Variants in MED28 observed in about 807,000 individuals in gnomAD.
MED28 encodes mediator complex subunit 28.
MED28 carries 26 observed loss-of-function variants against 21.3 expected under a neutral mutation model. The observed-to-expected ratio is 1.22, with a 90% CI of 0.89 to 1.69. The LOEUF (loss-of-function observed/expected upper bound fraction) is 1.69. MED28 is among the 40% of genes most tolerant of loss of function. The probability of loss-of-function intolerance (pLI) is 0.00; values close to 1 mark genes in which losing one functional copy is unlikely to be tolerated. For synonymous variants in MED28, 110 were observed against 87.6 expected, an observed-to-expected ratio of 1.26 and a Z score of -1.43; for missense variants, 257 against 215.4, an observed-to-expected ratio of 1.19 and a Z score of -1.21.
In MED28 at chr4:17,633,849, C is replaced by T. The variant is rs569401398; in HGVS notation, c.*10051C>T. The T allele has an allele frequency of 4.1e-5, 63 of 1,551,194 alleles. No individual in the cohort carries two copies. The South Asian group carries it at 6.7e-4, about 16-fold the overall frequency. On this transcript the variant is annotated 3_prime_UTR_variant, in exon 4 of 4. Coordinates refer to ENST00000237380, the MANE Select transcript of MED28 (RefSeq NM_025205.5). ...TTTGCATAGGAGGCGAGGTTCGGCA[C>T]GCTGACCACGCGGCTGGGCACGTCC...
At chr4:17,615,828 TATAA>T (rs979419583) in intron 1 of MED28, among the ~76,000 whole-genome samples, 12 of 151,732 alleles carry the variant, frequency 7.9e-5, no homozygotes, top group South Asian at 2.1e-4. Context: ...TAAAATAAAA[TATAA>T]ATAAATAAAA....
intron 1 of MED28, among the ~76,000 whole-genome samples, chr4:17,615,123 G>A (rs1714411452): frequency 6.6e-6 from 1 of 152,172 alleles, no homozygotes; most frequent in Admixed American, 6.5e-5. Context: ...TTGCATCCCT[G>A]CATGTTTAGT....
At position 17,632,217 on chromosome 4, in the gene MED28, GGCACAC is replaced by G. The variant is rs1243070007; in HGVS notation, c.*8422_*8427del. The G allele has an allele frequency of 1.2e-5, 2 of 168,160 alleles. No individual in the cohort carries two copies. The highest frequency in any genetic ancestry group is 2.6e-5 in the Non-Finnish European group (2 of 77,752). The allele number at this position is 168,160 out of a possible 1,614,324, so 10.4% of individuals were successfully genotyped here. A position where few individuals can be genotyped will look rare whatever the true frequency, so the allele number is the denominator to read the frequency against. ...AGTCCCCCAAGTACCTGGGACCACA[GGCACAC>G]GCCACCATGCCTGGCTAATTTTTGT... On this transcript the variant is annotated 3_prime_UTR_variant, in exon 4 of 4. Transcript: ENST00000237380.
rs1457235717 is a variant in MED28, at chr4:17,629,778, T to G, written c.*5980T>G. ...AATCATTATGCAAACTAAAATAGAA[T>G]GTTTTATCTATCAAATTGTATTTCT... is the stretch of plus-strand genomic sequence containing the variant. On this transcript the variant is annotated 3_prime_UTR_variant, in exon 4 of 4. Transcript: ENST00000237380. The G allele has an allele frequency of 1.3e-5, 2 of 152,220 alleles. No individual in the cohort carries two copies. Among genetic ancestry groups the G allele is most frequent in the Admixed American group, 6.5e-5 (1 of 15,284 alleles). The allele number at this position is 152,220 out of a possible 1,614,324, so 9.4% of individuals were successfully genotyped here.
At position 17,623,653 on chromosome 4, in the gene MED28, A is replaced by G; in HGVS notation, c.392A>G (p.Lys131Arg). The change falls in exon 4 of 4, where the codon AAG becomes AGG. Residue 131 changes from lysine to arginine, a missense_variant. Physicochemically the swap from Lys to Arg is conservative, Grantham distance 26. Coordinates refer to ENST00000237380, the MANE Select transcript of MED28 (RefSeq NM_025205.5). Reference protein sequence around the residue: ...ELQRKDALVQKHLTKLRHWQQ... With the variant: ...ELQRKDALVQRHLTKLRHWQQ... ...CAGCGGAAAGATGCACTAGTCCAGAAGCACTTGACAAAGCTGAGGCATTGG... is the reference window on the plus strand; with the variant it reads ...CAGCGGAAAGATGCACTAGTCCAGAGGCACTTGACAAAGCTGAGGCATTGG... 1 of 1,614,228 alleles carries G rather than the reference A, an allele frequency of 6.2e-7. No individual in the cohort carries two copies. Among genetic ancestry groups the G allele is most frequent in the Non-Finnish European group, 8.5e-7 (1 of 1,180,042 alleles).
intron 1 of MED28, among the ~76,000 whole-genome samples, chr4:17,616,855 A>G (rs1714467970): frequency 6.6e-6 from 1 of 152,200 alleles, no homozygotes; most frequent in Admixed American, 6.5e-5. Flanking sequence ...CCTGTAGTGT[A>G]GTTGGCTTGT....
At position 17,621,649 on chromosome 4, in the gene MED28, C is replaced by CAAAA; in HGVS notation, c.292_295dup (p.Arg99LysfsTer24). The CAAAA allele has an allele frequency of 6.2e-7, 1 of 1,609,498 alleles. No homozygotes were observed. The highest frequency in any genetic ancestry group is 8.5e-7 in the Non-Finnish European group (1 of 1,178,748). On this transcript the variant is annotated frameshift_variant, in exon 3 of 4. Transcript: ENST00000237380. LOFTEE classifies it high-confidence loss of function. ...AAGACAGACAGAATGTTTTTTCTTA[C>CAAAA]AAAAAAGATTGCAGTTATCTGTCCA...
At position 17,614,959 on chromosome 4, in the gene MED28, C is replaced by T. The variant is rs1714404471; in HGVS notation, c.159+146C>T. ...CTTAAAGTAAGTCACTTGCTTTAGG[C>T]TTCCCCGTGGCCCGTATTCAATTCA... On this transcript the variant is annotated intron_variant, in intron 1 of 3. Coordinates refer to ENST00000237380, the MANE Select transcript of MED28 (RefSeq NM_025205.5). 3.8e-6 allele frequency: 4 copies of T among 1,057,212 alleles called. 1 individual carries two copies. Among genetic ancestry groups the T allele is most frequent in the South Asian group, 3.5e-5 (2 of 57,316 alleles). 65.5% of individuals were successfully genotyped at this position (1,057,212 alleles called of 1,614,324 possible).
chr4:17,634,028 T>C lies in MED28; in HGVS notation c.*10230T>C, dbSNP rs6449318. 0.011 allele frequency: 6,341 copies of C among 579,636 alleles called. 304 individuals are homozygous for C. In the African/African-American group the frequency reaches 0.11, roughly 10 times the overall value. The allele number at this position is 579,636 out of a possible 1,614,324, so 35.9% of individuals were successfully genotyped here. On this transcript the variant is annotated 3_prime_UTR_variant, in exon 4 of 4. Transcript: ENST00000237380. Reference sequence around the variant, plus strand: ...ATTTCATTTATACACTTACATGCTATTTTTTAAAGCACTTTTCCCTCCAAT... The same window carrying C: ...ATTTCATTTATACACTTACATGCTACTTTTTAAAGCACTTTTCCCTCCAAT...
rs1175780791 is a variant in MED28, at chr4:17,621,027, T to TTTG, written c.227-558_227-557insGTT. Among the ~76,000 whole-genome samples the TTTG allele has an allele frequency of 2.3e-4, 34 of 149,460 alleles. 1 individual carries two copies. Among genetic ancestry groups the TTTG allele is most frequent in the Admixed American group, 2.3e-3 (34 of 15,070 alleles). On this transcript the variant is annotated intron_variant, in intron 2 of 3. Transcript: ENST00000237380. ...TTGGCCTCTGCCTTGTGTTTTTTTT[T>TTTG]TTTTTTGAGACGGAGTCTCACTCTG...
chr4:17,632,513 A>G lies in MED28; in HGVS notation c.*8715A>G, dbSNP rs1292118554. On this transcript the variant is annotated 3_prime_UTR_variant, in exon 4 of 4. Transcript: ENST00000237380. The stretch of plus-strand genomic sequence containing the variant: ...AAATGTTTTTCAAGTATCCTCTGTG[A>G]TGTATCCCAAAGGTTAGCTTAGAAA... 1 of 1,524,004 alleles carries G rather than the reference A, an allele frequency of 6.6e-7. No homozygotes were observed. Among genetic ancestry groups the G allele is most frequent in the South Asian group, 1.2e-5 (1 of 83,100 alleles). The allele number at this position is 1,524,004 out of a possible 1,614,324, so 94.4% of individuals were successfully genotyped here.
chr4:17,632,511 T>G lies in MED28; in HGVS notation c.*8713T>G. 1 of 1,508,812 alleles carries G rather than the reference T, an allele frequency of 6.6e-7. No individual in the cohort carries two copies. 93.5% of individuals were successfully genotyped at this position (1,508,812 alleles called of 1,614,324 possible). On this transcript the variant is annotated 3_prime_UTR_variant, in exon 4 of 4. Coordinates refer to ENST00000237380, the MANE Select transcript of MED28 (RefSeq NM_025205.5). ...ATAAATGTTTTTCAAGTATCCTCTG[T>G]GATGTATCCCAAAGGTTAGCTTAGA... is the stretch of plus-strand genomic sequence containing the variant.
chr4:17,623,011 A>G (rs1714679406), intron 3 of MED28, among the ~76,000 whole-genome samples: 1 of 152,192 alleles, frequency 6.6e-6, no homozygotes, highest in Admixed American at 6.5e-5. Context: ...ACAATTCAAG[A>G]TGAGATTGGG....
Position 17,621,689 on chromosome 4 carries a change from T to G in MED28, c.329T>G (p.Val110Gly), listed in dbSNP as rs777559082. Reference protein sequence around the residue: ...LQLSVQKPEQVIKEDVSELRN... With the variant: ...LQLSVQKPEQGIKEDVSELRN... ...TTATCTGTCCAGAAACCAGAGCAAG[T>G]TATCAAAGAGGTATGAACTCAGTTT... Residue 110 changes from valine (V) to glycine (G), a missense_variant, in exon 3 of 4, where the codon GTT becomes GGT. Transcript: ENST00000237380. The G allele has an allele frequency of 8.1e-6, 13 of 1,607,222 alleles. No homozygotes were observed. In the East Asian group the frequency reaches 2.9e-4, roughly 36 times the overall value.
At chr4:17,616,169 C>G (rs1225860420) in intron 1 of MED28, among the ~76,000 whole-genome samples, 2 of 152,166 alleles carry the variant, frequency 1.3e-5, no homozygotes, top group African/African-American at 2.4e-5. Flanking sequence ...CTTGGCCAGG[C>G]TGGTCTCGAA....
rs111645923 is a variant in MED28, at chr4:17,621,718, C to G, written c.339+19C>G. The stretch of plus-strand genomic sequence containing the variant: ...CAAAGAGGTATGAACTCAGTTTTCT[C>G]CTCAGCTCTATAGGAAGAACTAAGT... On this transcript the variant is annotated intron_variant, in intron 3 of 3. Coordinates refer to ENST00000237380, the MANE Select transcript of MED28 (RefSeq NM_025205.5). The G allele has an allele frequency of 2.4e-3, 3,559 of 1,513,978 alleles. 52 individuals are homozygous for G. In the South Asian group the frequency reaches 0.024, roughly 10 times the overall value. The allele number at this position is 1,513,978 out of a possible 1,614,324, so 93.8% of individuals were successfully genotyped here.
intron 1 of MED28, among the ~76,000 whole-genome samples, chr4:17,619,530 A>AG (rs1438457732): frequency 6.6e-6 from 1 of 152,088 alleles, no homozygotes; most frequent in African/African-American, 2.4e-5. Context: ...GCTGTCTCTG[A>AG]GGGGGAGAAG....
intron 1 of MED28, among the ~76,000 whole-genome samples, 184 bp downstream of exon 1, chr4:17,614,997 G>T (rs1331897509): frequency 6.6e-6 from 1 of 152,218 alleles, no homozygotes; most frequent in African/African-American, 2.4e-5. Flanking sequence ...TCTGCTGGCG[G>T]GGGCGCGTAA....
chr4:17,620,068 A>G lies in MED28; in HGVS notation c.226+101A>G, dbSNP rs201442173. The G allele has an allele frequency of 3.6e-5, 40 of 1,108,176 alleles. No homozygotes were observed. In the Admixed American group the frequency reaches 5.1e-4, roughly 14 times the overall value. 68.6% of individuals were successfully genotyped at this position (1,108,176 alleles called of 1,614,324 possible). On this transcript the variant is annotated intron_variant, in intron 2 of 3. Transcript: ENST00000237380. The stretch of plus-strand genomic sequence containing the variant: ...GTTTCAGTCCTGCTTTTATCCTAAG[A>G]CAACATTTCAGGGACTAAAATGTGT...
Sources: gnomAD v4.1 joint callset for allele counts (sites outside exome capture counted in the v4.1 genomes callset) on GRCh38, gnomAD v4.1.1 for gene constraint, MANE v1.5 for transcripts, NCBI Gene and HGNC (gene_info 2026-07-23, HGNC 2026-07-21) for gene names.